Variants in NR6A1 observed in about 807,000 individuals in gnomAD.
NR6A1 encodes retinoic acid receptor-related testis-associated receptor.
A neutral mutation model predicts 59.1 loss-of-function variants in NR6A1; 7 were observed. The observed-to-expected ratio is 0.12, with a 90% CI of 0.07 to 0.22. The LOEUF (loss-of-function observed/expected upper bound fraction) is 0.22, where lower values mean the gene tolerates loss of function less well. NR6A1 is among the 10% of genes least tolerant of loss of function. The pLI is 1.00. For missense variants in NR6A1, 468 were observed against 611.6 expected (o/e 0.77, Z 2.48); for synonymous variants, 243 against 236.1 (o/e 1.03, Z -0.27).
At chr9:124,650,912 T>TC (rs142348876) in intron 2 of NR6A1, among the ~76,000 whole-genome samples, 1,567 of 152,188 alleles carry the variant, frequency 0.01, 27 homozygotes, top group African/African-American at 0.036. Flanking sequence ...AGGGGTATAA[T>TC]CACCACCACC....
intron 2 of NR6A1, among the ~76,000 whole-genome samples, chr9:124,673,641 T>C (rs1261475724): frequency 1.3e-5 from 2 of 152,070 alleles, no homozygotes; most frequent in Admixed American, 1.3e-4. Flanking sequence ...TATAGAGTAA[T>C]GAATCCTAGG....
chr9:124,603,675 A>T (rs755931136), intron 2 of NR6A1, among the ~76,000 whole-genome samples: 41 of 152,184 alleles, frequency 2.7e-4, no homozygotes, highest in Non-Finnish European at 4.7e-4. Flanking sequence ...TGTGCCCCAT[A>T]TTTTTGCCAA....
At chr9:124,768,346 AAT>A (rs1357922321) in intron 1 of NR6A1, among the ~76,000 whole-genome samples, 1 of 152,176 alleles carries the variant, frequency 6.6e-6, no homozygotes, top group African/African-American at 2.4e-5. Context: ...TTTGGAGAAA[AAT>A]ATTAATTAGG....
intron 2 of NR6A1, among the ~76,000 whole-genome samples, chr9:124,555,957 G>A (rs1420239525): frequency 6.6e-6 from 1 of 152,180 alleles, no homozygotes; most frequent in Non-Finnish European, 1.5e-5. Flanking sequence ...TTAGCAGAGG[G>A]TCATGGTAGT....
At chr9:124,552,727 G>T (rs143995236) in intron 3 of NR6A1, among the ~76,000 whole-genome samples, 232 of 152,150 alleles carry the variant, frequency 1.5e-3, no homozygotes, top group African/African-American at 5.4e-3. Context: ...TTAATAACAG[G>T]GTTGTTGTAT....
intron 5 of NR6A1, 135 bp from the exon 6 acceptor site, chr9:124,538,454 A>C: frequency 4.7e-6 from 3 of 635,176 alleles, no homozygotes; most frequent in Non-Finnish European, 8.2e-6. Context: ...GGGCATAATT[A>C]ATAGTTAAAT....
chr9:124,637,401 C>G (rs904481875), intron 2 of NR6A1, among the ~76,000 whole-genome samples: 2 of 152,208 alleles, frequency 1.3e-5, no homozygotes, highest in Non-Finnish European at 2.9e-5. Flanking sequence ...CACATACTTA[C>G]TGTAGCTACC....
At chr9:124,705,385 A>G (rs1839093402) in intron 2 of NR6A1, among the ~76,000 whole-genome samples, 1 of 152,060 alleles carries the variant, frequency 6.6e-6, no homozygotes, top group Non-Finnish European at 1.5e-5. Context: ...CTCCTGTTAG[A>G]TATATTTTAA....
intron 3 of NR6A1, among the ~76,000 whole-genome samples, chr9:124,550,746 G>A (rs1157994469): frequency 1.3e-5 from 2 of 151,948 alleles, no homozygotes; most frequent in African/African-American, 2.4e-5. Flanking sequence ...ATGCTGCCCA[G>A]GCTGGTCTTG....
At chr9:124,610,496 GT>G (rs1835707740) in intron 2 of NR6A1, among the ~76,000 whole-genome samples, 1 of 152,188 alleles carries the variant, frequency 6.6e-6, no homozygotes, top group South Asian at 2.1e-4. Context: ...TCTAGATTCA[GT>G]TTGCCAGTAT....
chr9:124,717,007 C>T (rs1265926546), intron 2 of NR6A1, among the ~76,000 whole-genome samples: 2 of 152,166 alleles, frequency 1.3e-5, no homozygotes, highest in East Asian at 1.9e-4. Flanking sequence ...TACATGAAAA[C>T]GTGACCAATA....
intron 1 of NR6A1, among the ~76,000 whole-genome samples, chr9:124,745,625 C>T (rs527648664): frequency 8.1e-4 from 121 of 148,740 alleles, no homozygotes; most frequent in Non-Finnish European, 1.3e-3. Flanking sequence ...GAGCCAAGAT[C>T]GTGCCATGGC....
chr9:124,531,067 C>A (rs1833084436), intron 7 of NR6A1, among the ~76,000 whole-genome samples: 1 of 152,206 alleles, frequency 6.6e-6, no homozygotes, highest in Admixed American at 6.5e-5. Context: ...TAGCTGTTAT[C>A]ATTACAAATA....
At chr9:124,757,428 C>T (rs992747671) in intron 1 of NR6A1, among the ~76,000 whole-genome samples, 3 of 137,664 alleles carry the variant, frequency 2.2e-5, no homozygotes, top group African/African-American at 5.5e-5. Context: ...AAGCAGAAAA[C>T]GTAATAGTAT....
intron 2 of NR6A1, among the ~76,000 whole-genome samples, chr9:124,647,080 A>G (rs1191301168): frequency 6.6e-6 from 1 of 152,054 alleles, no homozygotes; most frequent in Non-Finnish European, 1.5e-5. Context: ...AGAACTGGCT[A>G]ATTATTTTAT....
At chr9:124,593,895 A>AGTCGC (rs1588695106) in intron 2 of NR6A1, among the ~76,000 whole-genome samples, 1 of 152,296 alleles carries the variant, frequency 6.6e-6, no homozygotes, top group East Asian at 1.9e-4. Flanking sequence ...AGCTTAAGAA[A>AGTCGC]TAAGACTTCC....
In NR6A1 at chr9:124,747,403, A is replaced by T. The variant is rs1326140654; in HGVS notation, c.101-14054T>A. ...ATGTCCTCACAGGCAAGAAAGGCCTATCCCAGCACACACACAACCTTCTCA... is the reference window on the plus strand; with the variant it reads ...ATGTCCTCACAGGCAAGAAAGGCCTTTCCCAGCACACACACAACCTTCTCA... On this transcript the variant is annotated intron_variant, in intron 1 of 9. Coordinates refer to ENST00000487099, the MANE Select transcript of NR6A1 (RefSeq NM_033334.4). Among the ~76,000 whole-genome samples, 3 of 152,020 alleles carry T rather than the reference A, an allele frequency of 2.0e-5. No individual in the cohort carries two copies. The East Asian group carries it at 5.8e-4, about 29-fold the overall frequency.
intron 2 of NR6A1, among the ~76,000 whole-genome samples, chr9:124,572,011 A>G (rs1358548937): frequency 6.6e-6 from 1 of 152,140 alleles, no homozygotes; most frequent in Non-Finnish European, 1.5e-5. Flanking sequence ...GAAAAAAGGT[A>G]CCCTAGGAGC....
intron 2 of NR6A1, among the ~76,000 whole-genome samples, chr9:124,713,904 T>C (rs542860211): frequency 2.0e-5 from 3 of 152,288 alleles, no homozygotes; most frequent in South Asian, 4.1e-4. Context: ...CCCCAAAGAA[T>C]TGAAAGTAGG....
Sources: allele counts gnomAD v4.1 joint callset (sites outside exome capture counted in the v4.1 genomes callset), GRCh38; gene constraint gnomAD v4.1.1; transcripts MANE v1.5; gene names NCBI Gene and HGNC (gene_info 2026-07-23, HGNC 2026-07-21).